Variants in SGMS2 observed in about 807,000 individuals in gnomAD.
SGMS2 encodes the protein phosphatidylcholine:ceramide cholinephosphotransferase 2.
Under a neutral mutation model 43.8 loss-of-function variants are expected in SGMS2, and 21 were observed. The observed-to-expected ratio is 0.48, with a 90% CI of 0.34 to 0.69. The LOEUF (loss-of-function observed/expected upper bound fraction) is 0.69. Among genes scored for constraint, SGMS2 ranks in the 30% least tolerant of loss-of-function variants. The pLI is 0.01. For missense variants in SGMS2, 384 were observed against 443.2 expected (o/e 0.87, Z 1.20); for synonymous variants, 167 against 160.6 (o/e 1.04, Z -0.30).
chr4:107,877,343 G>A (rs189503723), intron 2 of SGMS2, among the ~76,000 whole-genome samples: 2 of 152,224 alleles, frequency 1.3e-5, no homozygotes, highest in African/African-American at 4.8e-5. Flanking sequence ...CACTTCAATA[G>A]GTAATCTATG....
intron 3 of SGMS2, 126 bp downstream of exon 3, chr4:107,896,134 G>T: frequency 2.4e-6 from 2 of 824,216 alleles, no homozygotes; most frequent in Non-Finnish European, 3.7e-6. Context: ...TTTGATGAAA[G>T]AAAACAGTAG....
At chr4:107,871,300 A>G (rs1303202069) in intron 2 of SGMS2, among the ~76,000 whole-genome samples, 2 of 152,194 alleles carry the variant, frequency 1.3e-5, no homozygotes, top group Non-Finnish European at 2.9e-5. Flanking sequence ...TAAGTTATAT[A>G]TAACCAGTCT....
At chr4:107,873,334 G>A (rs1162670203) in intron 2 of SGMS2, 1 of 151,998 alleles carries the variant, frequency 6.6e-6, no homozygotes, top group Non-Finnish European at 1.5e-5. Flanking sequence ...GCTTACCTCA[G>A]ATTTACCTTC....
At chr4:107,893,714 C>G (rs187598250) in intron 2 of SGMS2, 5 of 152,342 alleles carry the variant, frequency 3.3e-5, no homozygotes, top group African/African-American at 9.6e-5. Flanking sequence ...GCTCCCTTAT[C>G]CCCCATTTCT....
At chr4:107,841,813 A>G (rs114973678) in intron 1 of SGMS2, among the ~76,000 whole-genome samples, 2,834 of 151,794 alleles carry the variant, frequency 0.019, 44 homozygotes, top group Non-Finnish European at 0.028. Flanking sequence ...ATGTTCAGCT[A>G]AACTTTTCAA....
At chr4:107,890,221 C>T (rs1730087847) in intron 2 of SGMS2, among the ~76,000 whole-genome samples, 3 of 152,264 alleles carry the variant, frequency 2.0e-5, no homozygotes, top group Admixed American at 1.3e-4. Context: ...AAACAGGTTT[C>T]TCCCCGAAAG....
chr4:107,851,163 G>C (rs973822479), intron 1 of SGMS2, among the ~76,000 whole-genome samples: 7 of 152,190 alleles, frequency 4.6e-5, no homozygotes, highest in African/African-American at 1.7e-4. Context: ...TGATTGCTTG[G>C]AAGGAATATT....
chr4:107,828,631 C>T (rs993063526), intron 1 of SGMS2, among the ~76,000 whole-genome samples: 1 of 152,202 alleles, frequency 6.6e-6, no homozygotes, highest in African/African-American at 2.4e-5. Flanking sequence ...TTAAATCTTT[C>T]TAGCTATGTC....
chr4:107,839,889 A>G (rs1480221888), intron 1 of SGMS2, among the ~76,000 whole-genome samples: 1 of 152,102 alleles, frequency 6.6e-6, no homozygotes, highest in Non-Finnish European at 1.5e-5. Context: ...GCAGCTTCCC[A>G]TGGCCTTTAT....
chr4:107,900,987 T>TA (rs1479004252), intron 4 of SGMS2, among the ~76,000 whole-genome samples: 1 of 152,164 alleles, frequency 6.6e-6, no homozygotes, highest in Non-Finnish European at 1.5e-5. Flanking sequence ...TGCAATGTGT[T>TA]AAATGGAGAA....
intron 1 of SGMS2, among the ~76,000 whole-genome samples, chr4:107,844,484 A>C (rs907241831): frequency 8.5e-5 from 13 of 152,108 alleles, no homozygotes; most frequent in African/African-American, 3.1e-4. Context: ...GAAAGATCAC[A>C]TGAGCCCAGG....
At chr4:107,842,185 G>A (rs1726550653) in intron 1 of SGMS2, among the ~76,000 whole-genome samples, 1 of 151,790 alleles carries the variant, frequency 6.6e-6, no homozygotes, top group Admixed American at 6.6e-5. Context: ...TTCTTGCATT[G>A]CCATAAAGAA....
At chr4:107,887,689 G>T (rs1031412738) in intron 2 of SGMS2, among the ~76,000 whole-genome samples, 1 of 152,066 alleles carries the variant, frequency 6.6e-6, no homozygotes, top group Non-Finnish European at 1.5e-5. Context: ...TCACAAAATA[G>T]GATCACAGGT....
At chr4:107,900,248 A>G (rs1404093689) in intron 4 of SGMS2, among the ~76,000 whole-genome samples, 1 of 152,188 alleles carries the variant, frequency 6.6e-6, no homozygotes, top group African/African-American at 2.4e-5. Flanking sequence ...GAAGTGAGCC[A>G]TGTGGACGGC....
chr4:107,845,922 G>A (rs537464253), intron 1 of SGMS2, among the ~76,000 whole-genome samples: 1 of 152,246 alleles, frequency 6.6e-6, no homozygotes, highest in African/African-American at 2.4e-5. Flanking sequence ...TAAATGTTAT[G>A]CCACCAAATG....
intron 2 of SGMS2, among the ~76,000 whole-genome samples, chr4:107,881,919 C>G (rs937218793): frequency 1.3e-5 from 2 of 152,146 alleles, no homozygotes; most frequent in Admixed American, 6.6e-5. Flanking sequence ...TTTCCAGTTC[C>G]ATCCATATTG....
At chr4:107,836,727 ATTT>A (rs1726202374) in intron 1 of SGMS2, among the ~76,000 whole-genome samples, 1 of 152,116 alleles carries the variant, frequency 6.6e-6, no homozygotes, top group Non-Finnish European at 1.5e-5. Context: ...TATTTTGACA[ATTT>A]GGGAAGCAAG....
At chr4:107,843,440 A>G (rs1009004628) in intron 1 of SGMS2, among the ~76,000 whole-genome samples, 2 of 152,184 alleles carry the variant, frequency 1.3e-5, no homozygotes. Flanking sequence ...TTAATATGGA[A>G]TTTGGAAGCA....
intron 3 of SGMS2, among the ~76,000 whole-genome samples, chr4:107,899,365 A>C (rs987055629): frequency 6.6e-6 from 1 of 152,160 alleles, no homozygotes; most frequent in East Asian, 1.9e-4. Flanking sequence ...GTGAATCTTC[A>C]TTTCTGAAAA....
Sources: gnomAD v4.1 joint callset for allele counts (sites outside exome capture counted in the v4.1 genomes callset) on GRCh38, gnomAD v4.1.1 for gene constraint, MANE v1.5 for transcripts, NCBI Gene and HGNC (gene_info 2026-07-23, HGNC 2026-07-21) for gene names.